DIAPH3: variants seen among roughly 807,000 people sequenced by gnomAD.
The protein encoded by DIAPH3 is diaphanous related formin 3, also known as protein diaphanous homolog 3.
DIAPH3 carries 117 observed loss-of-function variants against 144.3 expected under a neutral mutation model. The ratio of observed to expected loss-of-function variants is 0.81; its 90% CI spans 0.70 to 0.95. The LOEUF is 0.95. Ranked by LOEUF, DIAPH3 falls within the 40% of genes least tolerant of loss-of-function variation. The probability of loss-of-function intolerance (pLI) is 0.00; values close to 1 mark genes in which losing one functional copy is unlikely to be tolerated. For missense variants in DIAPH3, 1,421 were observed against 1,412.7 expected, an observed-to-expected ratio of 1.01 and a Z score of -0.09; for synonymous variants, 519 against 488.9, an observed-to-expected ratio of 1.06 and a Z score of -0.81.
chr13:59,791,498 G>T (rs113096040), intron 25 of DIAPH3, among the ~76,000 whole-genome samples: 3 of 152,082 alleles, frequency 2.0e-5, no homozygotes, highest in African/African-American at 7.2e-5. Context: ...AAAAGGTAAA[G>T]TAAGGTGCCC....
intron 21 of DIAPH3, among the ~76,000 whole-genome samples, chr13:59,869,663 T>C (rs1051771184): frequency 6.6e-6 from 1 of 152,204 alleles, no homozygotes; most frequent in Non-Finnish European, 1.5e-5. Flanking sequence ...TTTTAAGAAA[T>C]AGCAAGGAGG....
chr13:60,105,043 C>G (rs939912427), intron 3 of DIAPH3, among the ~76,000 whole-genome samples: 1 of 135,232 alleles, frequency 7.4e-6, no homozygotes, highest in Non-Finnish European at 1.5e-5. Context: ...TTGCAGTGAG[C>G]TGAGATTGCG....
At chr13:59,904,487 G>A (rs1266283363) in intron 20 of DIAPH3, among the ~76,000 whole-genome samples, 5 of 151,976 alleles carry the variant, frequency 3.3e-5, no homozygotes, top group Non-Finnish European at 5.9e-5. Flanking sequence ...TGAAAGGCTC[G>A]GGGAGCAACT....
At chr13:59,889,007 T>A (rs1284587032) in intron 20 of DIAPH3, among the ~76,000 whole-genome samples, 1 of 152,004 alleles carries the variant, frequency 6.6e-6, no homozygotes, top group African/African-American at 2.4e-5. Context: ...CCTTTTATCT[T>A]TTTCCTCCCC....
intron 17 of DIAPH3, among the ~76,000 whole-genome samples, chr13:59,933,289 A>G (rs1294879049): frequency 2.0e-5 from 3 of 152,180 alleles, no homozygotes; most frequent in African/African-American, 7.2e-5. Context: ...TATGGCTGTG[A>G]TTGCTCACCT....
intron 17 of DIAPH3, among the ~76,000 whole-genome samples, chr13:59,937,762 G>A (rs142959851): frequency 9.6e-4 from 146 of 152,278 alleles, no homozygotes; most frequent in African/African-American, 3.4e-3. Flanking sequence ...TATATTTGAT[G>A]ACAGCATGCC....
chr13:60,060,048 T>C (rs1263689966), intron 4 of DIAPH3, among the ~76,000 whole-genome samples: 1 of 152,100 alleles, frequency 6.6e-6, no homozygotes, highest in Non-Finnish European at 1.5e-5. Flanking sequence ...CTGTTACATT[T>C]ACACTTTAAG....
chr13:59,689,021 T>C lies in DIAPH3; in HGVS notation c.3320-22175A>G, dbSNP rs188220209. On this transcript the variant is annotated intron_variant, in intron 27 of 27. Coordinates refer to ENST00000400324, the MANE Select transcript of DIAPH3 (RefSeq NM_001042517.2). ...AACTACGTAGACTGGGTTTCATCTTTATTATGTACTAGTCAATCCCCAGGC... is the reference window on the plus strand; with the variant it reads ...AACTACGTAGACTGGGTTTCATCTTCATTATGTACTAGTCAATCCCCAGGC... Among the ~76,000 whole-genome samples, 28 of 152,232 alleles carry C rather than the reference T, an allele frequency of 1.8e-4. No individual in the cohort carries two copies. In the East Asian group the frequency reaches 5.4e-3, roughly 29 times the overall value.
chr13:60,002,390 G>T (rs1020992647), intron 9 of DIAPH3, among the ~76,000 whole-genome samples: 2 of 152,132 alleles, frequency 1.3e-5, no homozygotes, highest in African/African-American at 4.8e-5. Flanking sequence ...CTATGCTCAA[G>T]GTTTCTCTCC....
chr13:59,733,759 C>T (rs2036001560), intron 27 of DIAPH3, among the ~76,000 whole-genome samples: 1 of 152,170 alleles, frequency 6.6e-6, no homozygotes, highest in South Asian at 2.1e-4. Context: ...GTATGGAATA[C>T]GACACTTCCC....
intron 27 of DIAPH3, among the ~76,000 whole-genome samples, chr13:59,744,476 C>T (rs1427434268): frequency 6.6e-6 from 1 of 152,006 alleles, no homozygotes. Flanking sequence ...TGTGGCCCAA[C>T]ACAAATTTGT....
At chr13:59,699,978 T>C (rs1248622047) in intron 27 of DIAPH3, among the ~76,000 whole-genome samples, 1 of 152,214 alleles carries the variant, frequency 6.6e-6, no homozygotes, top group Non-Finnish European at 1.5e-5. Flanking sequence ...TTTACTCCTC[T>C]GTGCTAAATA....
At chr13:59,988,860 C>T (rs2051610308) in intron 12 of DIAPH3, among the ~76,000 whole-genome samples, 1 of 151,858 alleles carries the variant, frequency 6.6e-6, no homozygotes, top group South Asian at 2.1e-4. Context: ...ATCTTCTCCA[C>T]CCAATTATCT....
chr13:59,780,848 A>G (rs1269968968), intron 25 of DIAPH3, among the ~76,000 whole-genome samples: 1 of 152,232 alleles, frequency 6.6e-6, no homozygotes, highest in East Asian at 1.9e-4. Context: ...AGGTGCTAGC[A>G]GGGACCTCCA....
At chr13:59,842,977 G>T (rs544952760) in intron 22 of DIAPH3, among the ~76,000 whole-genome samples, 2 of 152,008 alleles carry the variant, frequency 1.3e-5, no homozygotes, top group African/African-American at 4.8e-5. Context: ...TAAATCACTG[G>T]CATTTGTGAT....
intron 27 of DIAPH3, among the ~76,000 whole-genome samples, chr13:59,762,638 T>C (rs2037662933): frequency 6.6e-6 from 1 of 152,036 alleles, no homozygotes; most frequent in Non-Finnish European, 1.5e-5. Context: ...TTAGTGTCTA[T>C]CATTATGGTG....
chr13:59,747,913 C>T (rs372987773), intron 27 of DIAPH3, among the ~76,000 whole-genome samples: 1 of 152,182 alleles, frequency 6.6e-6, no homozygotes, highest in African/African-American at 2.4e-5. Context: ...ATTCTAAATG[C>T]CTGCAGGCTC....
intron 24 of DIAPH3, among the ~76,000 whole-genome samples, chr13:59,823,145 G>A (rs2041168380): frequency 6.6e-6 from 1 of 152,146 alleles, no homozygotes; most frequent in South Asian, 2.1e-4. Flanking sequence ...CAGTCATACA[G>A]AACCTGGCAG....
intron 25 of DIAPH3, among the ~76,000 whole-genome samples, chr13:59,805,743 A>T (rs11843604): frequency 0.02 from 2,975 of 152,134 alleles, 85 homozygotes; most frequent in East Asian, 0.12. Context: ...ATAACATGAA[A>T]ATAGGAGACT....
Sources: gnomAD v4.1 joint callset for allele counts (sites outside exome capture counted in the v4.1 genomes callset) on GRCh38, gnomAD v4.1.1 for gene constraint, MANE v1.5 for transcripts, NCBI Gene and HGNC (gene_info 2026-07-23, HGNC 2026-07-21) for gene names.